PSMG2: variants seen among roughly 807,000 people sequenced by gnomAD.
PSMG2 encodes CD40 ligand-activated specific transcript 3.
Under a neutral mutation model 31.5 loss-of-function variants are expected in PSMG2, and 21 were observed. That is an observed-to-expected ratio of 0.67 (90% CI 0.47 to 0.96). The LOEUF is 0.96. Ranked by LOEUF, PSMG2 falls within the 40% of genes least tolerant of loss-of-function variation. PSMG2 has a pLI of 0.00. For synonymous variants in PSMG2, 120 were observed against 110.4 expected, an observed-to-expected ratio of 1.09 and a Z score of -0.54; for missense variants, 318 against 321.2, an observed-to-expected ratio of 0.99 and a Z score of 0.08.
At chr18:12,677,235 T>C (rs1367308707) in intron 1 of PSMG2, among the ~76,000 whole-genome samples, 2 of 152,018 alleles carry the variant, frequency 1.3e-5, no homozygotes, top group Non-Finnish European at 2.9e-5. Flanking sequence ...GGTAGATCAC[T>C]TCGAGATCAG....
intron 1 of PSMG2, chr18:12,673,553 A>C: frequency 7.1e-7 from 1 of 1,402,204 alleles, no homozygotes; most frequent in Non-Finnish European, 9.7e-7. Context: ...CATACACTTT[A>C]ATTCCTTATT....
chr18:12,697,158 TA>T (rs1568031624), intron 1 of PSMG2: 2 of 1,168,868 alleles, frequency 1.7e-6, no homozygotes, highest in Admixed American at 4.8e-5. Flanking sequence ...TTTAAAGATA[TA>T]AAATATATTT....
chr18:12,662,925 T>G (rs939180815), intron 1 of PSMG2, among the ~76,000 whole-genome samples: 1 of 152,218 alleles, frequency 6.6e-6, no homozygotes, highest in Non-Finnish European at 1.5e-5. Context: ...GATTCTCCTT[T>G]AAGATAATTA....
upstream of PSMG2, chr18:12,701,129 ATAT>A: frequency 6.3e-7 from 1 of 1,596,686 alleles, no homozygotes; most frequent in Non-Finnish European, 8.5e-7. Context: ...TAGAAAACTC[ATAT>A]TACAATTTAT....
At chr18:12,715,591 C>T (rs1412392744) in intron 3 of PSMG2, among the ~76,000 whole-genome samples, 1 of 151,868 alleles carries the variant, frequency 6.6e-6, no homozygotes, top group Admixed American at 6.6e-5. Context: ...CTGCAACCTC[C>T]GTCTCCTGGG....
intron 3 of PSMG2, among the ~76,000 whole-genome samples, chr18:12,718,012 CTTTT>C (rs71174131): frequency 4.4e-5 from 6 of 136,462 alleles, no homozygotes; most frequent in Admixed American, 7.4e-5. Flanking sequence ...TTTCTTTTTT[CTTTT>C]TTTTTTTTTT....
At chr18:12,680,884 T>C in intron 1 of PSMG2, 5 of 1,405,728 alleles carry the variant, frequency 3.6e-6, no homozygotes, top group Non-Finnish European at 4.9e-6. Flanking sequence ...CCTCATTACA[T>C]ACTTAAATAC....
At chr18:12,707,927 G>A (rs2145134890) in intron 2 of PSMG2, among the ~76,000 whole-genome samples, 1 of 152,260 alleles carries the variant, frequency 6.6e-6, no homozygotes, top group East Asian at 1.9e-4. Context: ...AGATGGCTTT[G>A]TCAACGCAAG....
chr18:12,673,087 AACT>A, intron 1 of PSMG2: 2 of 999,858 alleles, frequency 2.0e-6, no homozygotes, highest in Non-Finnish European at 2.4e-6. Context: ...TTAATATTTA[AACT>A]ACTGATAACT....
At chr18:12,702,291 C>T, upstream of PSMG2, 3 of 551,288 alleles carry the variant, frequency 5.4e-6, no homozygotes, top group Admixed American at 3.7e-5. Context: ...AGCACCTGCT[C>T]GGCTCGTTTT....
intron 1 of PSMG2, among the ~76,000 whole-genome samples, chr18:12,680,162 A>G (rs1045620701): frequency 2.0e-5 from 3 of 152,246 alleles, no homozygotes; most frequent in Admixed American, 2.0e-4. Context: ...TTGAGGTAAA[A>G]GTTTTCTTAG....
chr18:12,686,219 C>A, intron 1 of PSMG2: 1 of 1,479,544 alleles, frequency 6.8e-7, no homozygotes, highest in Non-Finnish European at 9.3e-7. Context: ...TTCAGAGTAA[C>A]TATGATATAC....
intron 1 of PSMG2, 36 bp downstream of exon 1, chr18:12,703,200 C>T (rs779013433): frequency 1.3e-6 from 2 of 1,580,620 alleles, no homozygotes; most frequent in South Asian, 1.2e-5. Flanking sequence ...TGCCGCCTCC[C>T]GAGGCCCCTG....
At chr18:12,673,430 T>C (rs1568008600) in intron 1 of PSMG2, 1 of 1,604,986 alleles carries the variant, frequency 6.2e-7, no homozygotes, top group South Asian at 1.1e-5. Flanking sequence ...TCAGGGTAAG[T>C]AAATACTCGG....
At chr18:12,681,168 A>G (rs567594306) in intron 1 of PSMG2, among the ~76,000 whole-genome samples, 4 of 151,144 alleles carry the variant, frequency 2.6e-5, no homozygotes, top group Admixed American at 2.6e-4. Flanking sequence ...ACTGCATTCC[A>G]GCCTCAGCAA....
chr18:12,708,041 A>G (rs1010616913), intron 2 of PSMG2, among the ~76,000 whole-genome samples: 2 of 152,216 alleles, frequency 1.3e-5, no homozygotes, highest in South Asian at 4.1e-4. Context: ...CAACACTTTG[A>G]GAGGCTGAGG....
chr18:12,714,073 G>A (rs966068431), intron 3 of PSMG2, among the ~76,000 whole-genome samples: 1 of 152,126 alleles, frequency 6.6e-6, no homozygotes, highest in Non-Finnish European at 1.5e-5. Context: ...TTAGTCATTG[G>A]TTTCTTTAAC....
chr18:12,717,412 A>T (rs1376642095), intron 3 of PSMG2, among the ~76,000 whole-genome samples: 2 of 152,206 alleles, frequency 1.3e-5, no homozygotes, highest in African/African-American at 2.4e-5. Flanking sequence ...TATAACCCAC[A>T]TTCCAGATTT....
chr18:12,710,000 TGGCACGATCTCG>T (rs1434220157), intron 2 of PSMG2, among the ~76,000 whole-genome samples: 1 of 148,098 alleles, frequency 6.8e-6, no homozygotes, highest in Non-Finnish European at 1.5e-5. Context: ...TGGAGTGCGG[TGGCACGATCTCG>T]GCTCACTGCA....
Sources: allele counts gnomAD v4.1 joint callset (sites outside exome capture counted in the v4.1 genomes callset), GRCh38; gene constraint gnomAD v4.1.1; transcripts MANE v1.5; gene names NCBI Gene and HGNC (gene_info 2026-07-23, HGNC 2026-07-21).